SASS6: variants seen among roughly 807,000 people sequenced by gnomAD.
The protein encoded by SASS6 is SAS-6 centriolar assembly protein.
SASS6 carries 59 observed loss-of-function variants against 94.9 expected under a neutral mutation model. The observed-to-expected ratio is 0.62, with a 90% confidence interval of 0.50 to 0.77. The LOEUF (loss-of-function observed/expected upper bound fraction) is 0.77, where lower values mean the gene tolerates loss of function less well. SASS6 is among the 30% of genes least tolerant of loss of function. The pLI, the probability that SASS6 is intolerant of heterozygous loss-of-function variation, is 0.00. For missense variants in SASS6, 698 were observed against 734.1 expected, an observed-to-expected ratio of 0.95 and a Z score of 0.57; for synonymous variants, 264 against 270.0, an observed-to-expected ratio of 0.98 and a Z score of 0.22.
chr1:100,112,859 T>G (rs557672640), intron 7 of SASS6, among the ~76,000 whole-genome samples: 1 of 152,306 alleles, frequency 6.6e-6, no homozygotes, highest in African/African-American at 2.4e-5. Flanking sequence ...TATCAAAGAC[T>G]CTGGGGATGA....
At chr1:100,116,729 G>C (rs1217210415) in intron 7 of SASS6, among the ~76,000 whole-genome samples, 1 of 152,154 alleles carries the variant, frequency 6.6e-6, no homozygotes, top group Admixed American at 6.6e-5. Context: ...TATGCTGAGT[G>C]AAGAAAGACA....
chr1:100,129,174 T>A (rs1234167486), intron 1 of SASS6, among the ~76,000 whole-genome samples: 1 of 151,822 alleles, frequency 6.6e-6, no homozygotes, highest in Non-Finnish European at 1.5e-5. Flanking sequence ...GAGTTTGAGA[T>A]TACAGTAAGC....
At chr1:100,106,334 T>C (rs1652905785) in intron 12 of SASS6, among the ~76,000 whole-genome samples, 1 of 152,206 alleles carries the variant, frequency 6.6e-6, no homozygotes, top group Admixed American at 6.5e-5. Context: ...TAATGAAGAA[T>C]TTAAACAATA....
intron 14 of SASS6, among the ~76,000 whole-genome samples, chr1:100,091,163 G>T (rs771848587): frequency 1.3e-5 from 2 of 152,062 alleles, no homozygotes; most frequent in Non-Finnish European, 1.5e-5. Flanking sequence ...AAATTAACTG[G>T]GGGTGGTGGT....
intron 1 of SASS6, among the ~76,000 whole-genome samples, chr1:100,128,131 G>A (rs1654758920): frequency 6.6e-6 from 1 of 152,088 alleles, no homozygotes; most frequent in Non-Finnish European, 1.5e-5. Context: ...CCGCCTCCCA[G>A]GTTCAAACGA....
At chr1:100,089,508 A>C (rs914365282) in intron 14 of SASS6, among the ~76,000 whole-genome samples, 1 of 152,148 alleles carries the variant, frequency 6.6e-6, no homozygotes, top group African/African-American at 2.4e-5. Flanking sequence ...CCAGAGAAAA[A>C]GGTCACTTTA....
chr1:100,103,679 T>C (rs1174574024), intron 13 of SASS6, among the ~76,000 whole-genome samples: 1 of 152,214 alleles, frequency 6.6e-6, no homozygotes, highest in Non-Finnish European at 1.5e-5. Flanking sequence ...CATCAGTCAT[T>C]CAAATTTTAA....
Position 100,105,754 on chromosome 1 carries a change from T to C in SASS6, c.1545+13A>G. 6.2e-7 allele frequency: 1 copy of C among 1,608,314 alleles called. No homozygotes were observed. The highest frequency in any genetic ancestry group is 8.5e-7 in the Non-Finnish European group (1 of 1,177,774). On this transcript the variant is annotated intron_variant, in intron 13 of 16. Coordinates refer to ENST00000287482, the MANE Select transcript of SASS6 (RefSeq NM_194292.3). Reference sequence around the variant, plus strand: ...ATTCACTAAGATCACTCACATCTTGTTTTAAATCTTACCACATTCAGGTTA... The same window carrying C: ...ATTCACTAAGATCACTCACATCTTGCTTTAAATCTTACCACATTCAGGTTA...
In SASS6 at chr1:100,120,631, C is replaced by G. The variant is rs1191068955; in HGVS notation, c.484-172G>C. On this transcript the variant is annotated intron_variant, in intron 5 of 16. Coordinates refer to ENST00000287482, the MANE Select transcript of SASS6 (RefSeq NM_194292.3). Reference sequence around the variant, plus strand: ...GATCCCCAGATAATTTAAAGTTTGACATGCACTGATCTATAGCATTTGACT... The same window carrying G: ...GATCCCCAGATAATTTAAAGTTTGAGATGCACTGATCTATAGCATTTGACT... Among the ~76,000 whole-genome samples the G allele has an allele frequency of 4.6e-5, 7 of 152,330 alleles. No homozygotes were observed. In the East Asian group the frequency reaches 1.3e-3, roughly 29 times the overall value.
chr1:100,125,709 TC>T (rs944085939), intron 2 of SASS6, among the ~76,000 whole-genome samples, 172 bp downstream of exon 2: 5 of 150,738 alleles, frequency 3.3e-5, no homozygotes, highest in Admixed American at 2.0e-4. Context: ...AGTATAATTA[TC>T]CTTCAGTTGT....
chr1:100,107,520 G>A lies in SASS6; in HGVS notation c.1180C>T (p.Leu394=). 1 of 1,606,438 alleles carries A rather than the reference G, an allele frequency of 6.2e-7. No homozygotes were observed. The highest frequency in any genetic ancestry group is 1.3e-5 in the African/African-American group (1 of 74,750). The change falls in exon 11 of 17, where the codon CTG becomes TTG. Residue 394 remains leucine (L), a synonymous_variant. Transcript: ENST00000287482. ...NEIIKKLQGD[L]KTLMGKLKLK... is the part of the protein sequence containing the mutation. The stretch of plus-strand genomic sequence containing the variant: ...TTCAACTTACCCATTAAAGTTTTCA[G>A]ATCCCCTTGTAACTTCTTGATAATT...
intron 3 of SASS6, 21 bp downstream of exon 3, chr1:100,123,189 A>T (rs1654334384): frequency 9.7e-7 from 1 of 1,035,298 alleles, no homozygotes; most frequent in Non-Finnish European, 1.5e-6. Flanking sequence ...TAAATATAAG[A>T]TCAGAAAAAA....
intron 15 of SASS6, among the ~76,000 whole-genome samples, chr1:100,087,199 C>A (rs1294579570): frequency 1.3e-5 from 2 of 151,178 alleles, no homozygotes; most frequent in African/African-American, 4.9e-5. Flanking sequence ...CCAGGCTGGT[C>A]TTGGAACTCC....
chr1:100,122,953 T>C (rs1346916098), intron 3 of SASS6, among the ~76,000 whole-genome samples: 2 of 107,566 alleles, frequency 1.9e-5, no homozygotes. Flanking sequence ...CTGATTTTTA[T>C]AGAACGTATT....
At chr1:100,128,307 C>T (rs1654767800) in intron 1 of SASS6, among the ~76,000 whole-genome samples, 1 of 152,132 alleles carries the variant, frequency 6.6e-6, no homozygotes, top group Non-Finnish European at 1.5e-5. Flanking sequence ...AAAGTGATAG[C>T]AGTACAGGCG....
chr1:100,092,275 A>C (rs555713888), intron 14 of SASS6, among the ~76,000 whole-genome samples: 1 of 152,240 alleles, frequency 6.6e-6, no homozygotes, highest in Admixed American at 6.5e-5. Flanking sequence ...TGGAATCCTA[A>C]AAGAGGCAGA....
chr1:100,092,115 C>T (rs1557879548), intron 14 of SASS6, among the ~76,000 whole-genome samples: 1 of 147,970 alleles, frequency 6.8e-6, no homozygotes. Flanking sequence ...AGGATAAAGT[C>T]AAATAAGTTC....
chr1:100,118,416 T>TTA (rs1197742019), intron 7 of SASS6, among the ~76,000 whole-genome samples: 1 of 152,196 alleles, frequency 6.6e-6, no homozygotes, highest in Non-Finnish European at 1.5e-5. Context: ...TCCATTTGGT[T>TTA]TAGTCTTTTT....
Position 100,122,436 on chromosome 1 carries a change from T to C in SASS6, c.255A>G (p.Gln85=), listed in dbSNP as rs1448745438. 5 of 1,590,338 alleles carry C rather than the reference T, an allele frequency of 3.1e-6. No individual in the cohort carries two copies. Among genetic ancestry groups the C allele is most frequent in the East Asian group, 2.2e-5 (1 of 44,554 alleles). The change falls in exon 4 of 17, where the codon CAA becomes CAG. Residue 85 remains glutamine (Q), a synonymous_variant. Transcript: ENST00000287482. ...GLLVDFLAFP[Q]KFIDLLQQCT... ...ATTGCTGAAGGAGATCTATAAATTTTTGTGGGAAAGCTAAGAAGTCTACCA... is the reference window on the plus strand; with the variant it reads ...ATTGCTGAAGGAGATCTATAAATTTCTGTGGGAAAGCTAAGAAGTCTACCA...
Sources: allele counts gnomAD v4.1 joint callset (sites outside exome capture counted in the v4.1 genomes callset), GRCh38; gene constraint gnomAD v4.1.1; transcripts MANE v1.5; gene names NCBI Gene and HGNC (gene_info 2026-07-23, HGNC 2026-07-21).